Variants in MAGI1 observed in about 807,000 individuals in gnomAD.
MAGI1 encodes membrane associated guanylate kinase, WW and PDZ domain containing 1.
Under a neutral mutation model 139.9 loss-of-function variants are expected in MAGI1, and 58 were observed. That is an observed-to-expected ratio of 0.41 (90% CI 0.34 to 0.52). MAGI1 has a LOEUF of 0.52. MAGI1 is among the 20% of genes least tolerant of loss of function. MAGI1 has a pLI of 0.12. For synonymous variants in MAGI1, 812 were observed against 737.9 expected (o/e 1.10, Z -1.63); for missense variants, 1,874 against 1,901.6 (o/e 0.99, Z 0.27).
chr3:65,396,422 T>C (rs769803592), intron 13 of MAGI1, among the ~76,000 whole-genome samples: 19 of 152,284 alleles, frequency 1.2e-4, no homozygotes, highest in Admixed American at 6.5e-5. Flanking sequence ...TACCAACCTC[T>C]CTGAAATGAA....
intron 2 of MAGI1, among the ~76,000 whole-genome samples, chr3:65,571,875 C>T (rs2080975423): frequency 6.6e-6 from 1 of 152,028 alleles, no homozygotes; most frequent in Non-Finnish European, 1.5e-5. Context: ...TCATTTGATG[C>T]ACAAAATTAG....
At chr3:65,762,251 C>G (rs2037094161) in intron 1 of MAGI1, among the ~76,000 whole-genome samples, 1 of 152,110 alleles carries the variant, frequency 6.6e-6, no homozygotes, top group African/African-American at 2.4e-5. Context: ...TGAAGTGGGT[C>G]CCACTAACAG....
At chr3:65,903,899 T>G (rs551965910) in intron 1 of MAGI1, among the ~76,000 whole-genome samples, 20 of 151,944 alleles carry the variant, frequency 1.3e-4, no homozygotes, top group Non-Finnish European at 2.2e-4. Context: ...TCCCAGTTTC[T>G]TGGGAGGCTG....
At chr3:65,555,876 A>G (rs2080061620) in intron 2 of MAGI1, among the ~76,000 whole-genome samples, 1 of 152,062 alleles carries the variant, frequency 6.6e-6, no homozygotes, top group African/African-American at 2.4e-5. Context: ...CAAACAAAAA[A>G]CCAAACACGC....
intron 1 of MAGI1, among the ~76,000 whole-genome samples, chr3:65,848,401 G>A (rs1495452): frequency 0.35 from 52,767 of 151,888 alleles, 10,635 homozygotes; most frequent in Admixed American, 0.55. Flanking sequence ...ATCTACTTCA[G>A]CACTGAAGTA....
chr3:65,516,432 C>T (rs899979239), intron 2 of MAGI1, among the ~76,000 whole-genome samples: 1 of 152,066 alleles, frequency 6.6e-6, no homozygotes, highest in Admixed American at 6.5e-5. Flanking sequence ...CCCGCCTGGC[C>T]TCCCAACGCA....
At chr3:65,360,351 C>CT (rs533416565) in intron 22 of MAGI1, 27,716 of 895,138 alleles carry the variant, frequency 0.031, 8 homozygotes, top group East Asian at 0.052. Context: ...ATAGCTTCTT[C>CT]TTTTTTTTTT....
intron 1 of MAGI1, among the ~76,000 whole-genome samples, chr3:65,995,813 T>C (rs931104668): frequency 6.6e-6 from 1 of 152,152 alleles, no homozygotes; most frequent in Non-Finnish European, 1.5e-5. Context: ...ATCCTGTGAA[T>C]ATTTTCAGAC....
intron 1 of MAGI1, among the ~76,000 whole-genome samples, chr3:65,749,615 C>T (rs1362824665): frequency 6.6e-6 from 1 of 151,452 alleles, no homozygotes; most frequent in Non-Finnish European, 1.5e-5. Flanking sequence ...TCAGAAATCA[C>T]CACTAAAAAA....
rs551926020 is a variant in MAGI1, at chr3:65,643,913, A to G, written c.314-21825T>C. Among the ~76,000 whole-genome samples the G allele has an allele frequency of 4.9e-4, 74 of 152,274 alleles. 1 individual carries two copies. Among genetic ancestry groups the G allele is most frequent in the Admixed American group, 4.8e-3 (73 of 15,298 alleles). ...TCATTCTGGGGTACTGTCAAAGAAG[A>G]CTGAGTAAAGACAGAATCTTCGACC... On this transcript the variant is annotated intron_variant, in intron 1 of 22. Coordinates refer to ENST00000402939, the MANE Select transcript of MAGI1 (RefSeq NM_001033057.2).
Position 65,439,909 on chromosome 3 carries a change from G to GCTGCTC in MAGI1, c.1239_1240insGAGCAG (p.Gln413_Gln414insGluGln), listed in dbSNP as rs773650078. The GCTGCTC allele has an allele frequency of 1.3e-6, 2 of 1,591,962 alleles. No individual in the cohort carries two copies. Among genetic ancestry groups the GCTGCTC allele is most frequent in the Non-Finnish European group, 8.6e-7 (1 of 1,164,360 alleles). Reference sequence around the variant, plus strand: ...GTCTGCTGCTGCTGCTGCTGCTGCTGCTGCTGTTGCTGCTGCTGTTGCTGC... The same window carrying GCTGCTC: ...GTCTGCTGCTGCTGCTGCTGCTGCTGCTGCTCCTGCTGTTGCTGCTGCTGTTGCTGC... On this transcript the variant is annotated inframe_insertion, in exon 9 of 23. Coordinates refer to ENST00000402939, the MANE Select transcript of MAGI1 (RefSeq NM_001033057.2).
chr3:65,833,959 C>A (rs989764956), intron 1 of MAGI1, among the ~76,000 whole-genome samples: 3 of 152,206 alleles, frequency 2.0e-5, no homozygotes, highest in African/African-American at 7.2e-5. Flanking sequence ...GTACACATGA[C>A]TAGCTATGTA....
chr3:65,775,464 T>A (rs577718526), intron 1 of MAGI1, among the ~76,000 whole-genome samples: 519 of 17,442 alleles, frequency 0.03, 4 homozygotes, highest in Non-Finnish European at 0.071. Context: ...AAAAAAAAAA[T>A]TTTTTTAAGT....
chr3:65,715,227 G>A lies in MAGI1; in HGVS notation c.314-93139C>T, dbSNP rs927036433. On this transcript the variant is annotated intron_variant, in intron 1 of 22. Transcript: ENST00000402939. ...ATCACTCTCATCAGATGCTAAATTG[G>A]TGTAACAATTTTCTGCATCCCAAAT... 3.3e-5 allele frequency among the ~76,000 whole-genome samples: 5 copies of A among 152,144 alleles called. No individual in the cohort carries two copies. The East Asian group carries it at 5.8e-4, about 18-fold the overall frequency.
chr3:65,541,635 T>C (rs1436424582), intron 2 of MAGI1, among the ~76,000 whole-genome samples: 1 of 152,172 alleles, frequency 6.6e-6, no homozygotes, highest in Non-Finnish European at 1.5e-5. Flanking sequence ...TCAATAAACG[T>C]AATCTATCAC....
chr3:65,784,913 C>T (rs1028368290), intron 1 of MAGI1, among the ~76,000 whole-genome samples: 1 of 152,122 alleles, frequency 6.6e-6, no homozygotes, highest in Non-Finnish European at 1.5e-5. Flanking sequence ...ATAGGCAAAT[C>T]TGTAAGAGAT....
At chr3:65,500,096 C>A (rs2077025655) in intron 2 of MAGI1, among the ~76,000 whole-genome samples, 1 of 152,118 alleles carries the variant, frequency 6.6e-6, no homozygotes, top group Non-Finnish European at 1.5e-5. Flanking sequence ...CAAGGTTTCC[C>A]ATCTCATAGA....
intron 2 of MAGI1, among the ~76,000 whole-genome samples, chr3:65,577,425 T>C (rs78530937): frequency 6.6e-6 from 1 of 152,160 alleles, no homozygotes; most frequent in Admixed American, 6.5e-5. Context: ...ACACGGCTCC[T>C]ATCTTCACTT....
chr3:65,963,590 T>C (rs1173314739), intron 1 of MAGI1, among the ~76,000 whole-genome samples: 2 of 152,168 alleles, frequency 1.3e-5, no homozygotes, highest in African/African-American at 2.4e-5. Flanking sequence ...TACTCCAGCC[T>C]AGGTGACAAA....
Sources: gnomAD v4.1 joint callset for allele counts (sites outside exome capture counted in the v4.1 genomes callset) on GRCh38, gnomAD v4.1.1 for gene constraint, MANE v1.5 for transcripts, NCBI Gene and HGNC (gene_info 2026-07-23, HGNC 2026-07-21) for gene names.